ELOVL2: variants seen among roughly 807,000 people sequenced by gnomAD.
ELOVL2 encodes the protein very long chain fatty acid elongase 2.
Under a neutral mutation model 37.7 loss-of-function variants are expected in ELOVL2, and 38 were observed. That is an observed-to-expected ratio of 1.01 (90% CI 0.78 to 1.32). ELOVL2 has a LOEUF of 1.32. ELOVL2 is among the 40% of genes most tolerant of loss of function. The pLI is 0.00. For missense variants in ELOVL2, 352 were observed against 363.6 expected (o/e 0.97, Z 0.26); for synonymous variants, 115 against 122.3 (o/e 0.94, Z 0.40).
chr6:10,987,769 T>C (rs999843589), intron 7 of ELOVL2, among the ~76,000 whole-genome samples: 1 of 152,216 alleles, frequency 6.6e-6, no homozygotes, highest in Non-Finnish European at 1.5e-5. Flanking sequence ...TTAAAAATAA[T>C]TCAAGTGGAA....
At chr6:11,027,611 C>A (rs1202357070) in intron 1 of ELOVL2, among the ~76,000 whole-genome samples, 1 of 152,188 alleles carries the variant, frequency 6.6e-6, no homozygotes, top group Non-Finnish European at 1.5e-5. Flanking sequence ...TGGAGTTACA[C>A]AAAACTAGTA....
intron 7 of ELOVL2, 105 bp downstream of exon 7, chr6:10,989,598 C>G: frequency 8.9e-7 from 1 of 1,124,710 alleles, no homozygotes; most frequent in Non-Finnish European, 1.3e-6. Context: ...GAGATCATGC[C>G]ACTGCACTCC....
intron 2 of ELOVL2, among the ~76,000 whole-genome samples, chr6:11,006,216 C>A (rs140437695): frequency 9.0e-4 from 137 of 152,312 alleles, no homozygotes; most frequent in African/African-American, 3.0e-3. Flanking sequence ...AGAGGCAAAG[C>A]CTGGGAGCTG....
chr6:10,981,455 A>G lies in ELOVL2; in HGVS notation c.*2326T>C, dbSNP rs1435955295. On this transcript the variant is annotated 3_prime_UTR_variant, in exon 8 of 8. Transcript: ENST00000354666. ...TTTTTAATTAGCCCTTGAATGGTTT[A>G]AGGCTATAAGTGTTTTATGAAGCAT... The G allele has an allele frequency of 2.0e-5, 3 of 152,650 alleles. No homozygotes were observed. The highest frequency in any genetic ancestry group is 7.2e-5 in the African/African-American group (3 of 41,452). The allele number at this position is 152,650 out of a possible 1,614,324, so 9.5% of individuals were successfully genotyped here.
intron 1 of ELOVL2, among the ~76,000 whole-genome samples, chr6:11,035,628 G>C (rs1304531905): frequency 6.6e-6 from 1 of 152,164 alleles, no homozygotes; most frequent in Non-Finnish European, 1.5e-5. Context: ...AAGAATAAAA[G>C]TTACCTATGC....
intron 1 of ELOVL2, among the ~76,000 whole-genome samples, chr6:11,032,710 T>C (rs905650147): frequency 3.9e-5 from 6 of 152,234 alleles, no homozygotes; most frequent in East Asian, 3.8e-4. Context: ...TGTCTGCAGG[T>C]ACCTTTCTAG....
intron 1 of ELOVL2, among the ~76,000 whole-genome samples, chr6:11,023,102 A>G (rs768756775): frequency 5.3e-5 from 8 of 152,246 alleles, no homozygotes; most frequent in Non-Finnish European, 1.2e-4. Flanking sequence ...AGATATTTGT[A>G]ATGATTATTA....
At chr6:10,994,850 T>C (rs1175218242) in intron 5 of ELOVL2, among the ~76,000 whole-genome samples, 157 bp downstream of exon 5, 1 of 152,220 alleles carries the variant, frequency 6.6e-6, no homozygotes, top group East Asian at 1.9e-4. Context: ...CTAGAATACA[T>C]GACCCCTGGC....
At chr6:10,988,391 C>A (rs1782086670) in intron 7 of ELOVL2, among the ~76,000 whole-genome samples, 1 of 152,102 alleles carries the variant, frequency 6.6e-6, no homozygotes, top group South Asian at 2.1e-4. Context: ...ATGGAGAAAC[C>A]CCATCTCTAC....
At position 11,043,435 on chromosome 6, in the gene ELOVL2, CTTACTGTCAGGCAGTTCATCGG is replaced by C. The variant is rs1561732178; in HGVS notation, c.3+771_3+792del. 4.5e-3 allele frequency: 274 copies of C among 61,532 alleles called. 8 individuals carry two copies. The highest frequency in any genetic ancestry group is 0.02 in the East Asian group (22 of 1,118). 3.8% of individuals were successfully genotyped at this position (61,532 alleles called of 1,614,324 possible). ...CACACACACACACACACACACACAG[CTTACTGTCAGGCAGTTCATCGG>C]ACACGGGTGAACACACACACACACA... is the stretch of plus-strand genomic sequence containing the variant. On this transcript the variant is annotated intron_variant, in intron 1 of 7. Coordinates refer to ENST00000354666, the MANE Select transcript of ELOVL2 (RefSeq NM_017770.4).
chr6:11,006,266 GACGTTTAC>G (rs1373410093), intron 2 of ELOVL2, among the ~76,000 whole-genome samples: 2 of 152,190 alleles, frequency 1.3e-5, no homozygotes, highest in Non-Finnish European at 2.9e-5. Context: ...CATGGGACTG[GACGTTTAC>G]ACAGCAGGGA....
At chr6:11,021,102 T>A (rs892552713) in intron 1 of ELOVL2, among the ~76,000 whole-genome samples, 1 of 152,242 alleles carries the variant, frequency 6.6e-6, no homozygotes, top group Admixed American at 6.5e-5. Context: ...TGGGCCAGAA[T>A]GTGATGACCT....
chr6:11,042,837 T>C (rs1783122667), intron 1 of ELOVL2, among the ~76,000 whole-genome samples: 2 of 152,128 alleles, frequency 1.3e-5, no homozygotes, highest in South Asian at 2.1e-4. Flanking sequence ...GCTTGCTTTA[T>C]TGGGTTAATT....
At chr6:10,984,504 TC>T (rs1561710266) in intron 7 of ELOVL2, among the ~76,000 whole-genome samples, 3 of 91,522 alleles carry the variant, frequency 3.3e-5, no homozygotes. Context: ...AAGCTATCCC[TC>T]CCCCCTCCCC....
chr6:11,005,625 C>A, intron 2 of ELOVL2, 66 bp from the exon 3 acceptor site: 1 of 1,343,060 alleles, frequency 7.4e-7, no homozygotes, highest in South Asian at 1.4e-5. Context: ...TCAGTATTGT[C>A]ACATACATTG....
At chr6:11,000,605 A>G (rs1782363089) in intron 3 of ELOVL2, among the ~76,000 whole-genome samples, 1 of 151,932 alleles carries the variant, frequency 6.6e-6, no homozygotes, top group African/African-American at 2.4e-5. Flanking sequence ...CATTTTACAG[A>G]TATTAAAAAC....
intron 7 of ELOVL2, among the ~76,000 whole-genome samples, chr6:10,984,934 A>G (rs1259325186): frequency 1.3e-5 from 2 of 152,210 alleles, no homozygotes; most frequent in Non-Finnish European, 2.9e-5. Flanking sequence ...AGGAATCGCC[A>G]CACTGACTTC....
Position 10,983,999 on chromosome 6 carries a change from T to C in ELOVL2, c.766-93A>G, listed in dbSNP as rs183241819. 1.7e-3 allele frequency: 2,067 copies of C among 1,187,240 alleles called. 5 individuals are homozygous for C. The highest frequency in any genetic ancestry group is 2.2e-3 in the Non-Finnish European group (1,866 of 862,084). 73.5% of individuals were successfully genotyped at this position (1,187,240 alleles called of 1,614,324 possible). Reference sequence around the variant, plus strand: ...TGCATATAGTTAAAACAGTATGTGATTTTGTTGGGCGCAGGATTTTCTGTT... The same window carrying C: ...TGCATATAGTTAAAACAGTATGTGACTTTGTTGGGCGCAGGATTTTCTGTT... On this transcript the variant is annotated intron_variant, in intron 7 of 7. Coordinates refer to ENST00000354666, the MANE Select transcript of ELOVL2 (RefSeq NM_017770.4).
chr6:11,009,535 C>G (rs542834104), intron 2 of ELOVL2, among the ~76,000 whole-genome samples: 15 of 152,190 alleles, frequency 9.9e-5, no homozygotes, highest in African/African-American at 3.6e-4. Context: ...GAAAAGGCAA[C>G]GTTTAAGCTG....
Sources: allele counts gnomAD v4.1 joint callset (sites outside exome capture counted in the v4.1 genomes callset), GRCh38; gene constraint gnomAD v4.1.1; transcripts MANE v1.5; gene names NCBI Gene and HGNC (gene_info 2026-07-23, HGNC 2026-07-21).